The following SGCZ variants were observed in gnomAD, a reference collection of about 807,000 sequenced individuals.
The protein encoded by SGCZ is zeta-sarcoglycan.
In SGCZ, 40 loss-of-function variants were observed where a neutral mutation model predicts 41.3. The ratio of observed to expected loss-of-function variants is 0.97; its 90% CI spans 0.75 to 1.26. SGCZ has a LOEUF of 1.26. Ranked by LOEUF, SGCZ falls within the 50% of genes most tolerant of loss-of-function variation. The probability of loss-of-function intolerance (pLI) is 0.00; values close to 1 mark genes in which losing one functional copy is unlikely to be tolerated. For synonymous variants in SGCZ, 206 were observed against 137.5 expected, an observed-to-expected ratio of 1.50 and a Z score of -3.49; for missense variants, 552 against 369.8, an observed-to-expected ratio of 1.49 and a Z score of -4.04.
At chr8:14,255,806 T>C (rs1046759098) in intron 3 of SGCZ, among the ~76,000 whole-genome samples, 1 of 152,074 alleles carries the variant, frequency 6.6e-6, no homozygotes, top group Non-Finnish European at 1.5e-5. Context: ...AGATTTGGCA[T>C]AAAAATGTTA....
chr8:14,558,482 G>C (rs1804100400), intron 1 of SGCZ, among the ~76,000 whole-genome samples: 1 of 151,722 alleles, frequency 6.6e-6, no homozygotes, highest in African/African-American at 2.4e-5. Flanking sequence ...GGCTAAGGCA[G>C]AAGAATTGCT....
chr8:14,185,339 G>A (rs1367354454), intron 4 of SGCZ, among the ~76,000 whole-genome samples: 1 of 152,022 alleles, frequency 6.6e-6, no homozygotes, highest in Non-Finnish European at 1.5e-5. Flanking sequence ...GGAGGCGTAG[G>A]TTGCAGTGAG....
intron 5 of SGCZ, among the ~76,000 whole-genome samples, chr8:14,124,262 C>T (rs2117042239): frequency 6.6e-6 from 1 of 151,972 alleles, no homozygotes; most frequent in East Asian, 1.9e-4. Context: ...ATATTTTTTC[C>T]TTTGTCCTTC....
At chr8:14,734,236 G>A (rs1240464037) in intron 1 of SGCZ, among the ~76,000 whole-genome samples, 1 of 152,104 alleles carries the variant, frequency 6.6e-6, no homozygotes, top group Non-Finnish European at 1.5e-5. Context: ...GTGTTATCAA[G>A]ATTAAATTCT....
chr8:14,763,601 T>A (rs1799953067), intron 1 of SGCZ, among the ~76,000 whole-genome samples: 1 of 152,068 alleles, frequency 6.6e-6, no homozygotes, highest in African/African-American at 2.4e-5. Context: ...CAGTTAAACT[T>A]GGAAAAGTTT....
At chr8:15,054,075 A>G (rs1165077475) in intron 1 of SGCZ, among the ~76,000 whole-genome samples, 1 of 152,206 alleles carries the variant, frequency 6.6e-6, no homozygotes, top group Non-Finnish European at 1.5e-5. Flanking sequence ...AGAGTCTAGT[A>G]CCTTGACAAT....
intron 1 of SGCZ, among the ~76,000 whole-genome samples, chr8:15,213,132 T>C (rs1221958363): frequency 3.3e-5 from 5 of 152,012 alleles, no homozygotes; most frequent in Admixed American, 6.6e-5. Flanking sequence ...CATAATTGTA[T>C]ACTAAATGCA....
chr8:15,022,550 G>T (rs534379940), intron 1 of SGCZ, among the ~76,000 whole-genome samples: 66 of 152,158 alleles, frequency 4.3e-4, no homozygotes, highest in Non-Finnish European at 8.1e-4. Context: ...CACCATGTTT[G>T]CCAGGATGGT....
chr8:14,330,178 C>T (rs1213679215), intron 2 of SGCZ, among the ~76,000 whole-genome samples: 1 of 152,090 alleles, frequency 6.6e-6, no homozygotes, highest in Non-Finnish European at 1.5e-5. Flanking sequence ...ACTGTGTATA[C>T]ATTTTTACCT....
chr8:14,883,127 C>G (rs751068077), intron 1 of SGCZ, among the ~76,000 whole-genome samples: 2 of 151,562 alleles, frequency 1.3e-5, no homozygotes, highest in Admixed American at 6.6e-5. Flanking sequence ...GAGGTAAACT[C>G]TTTCTCATTT....
chr8:14,793,003 C>T (rs1013760388), intron 1 of SGCZ, among the ~76,000 whole-genome samples: 3 of 152,124 alleles, frequency 2.0e-5, no homozygotes, highest in Admixed American at 6.5e-5. Context: ...TTTGACAATG[C>T]TATTTGAATA....
In SGCZ at chr8:14,633,989, C is replaced by T. The variant is rs1007609358; in HGVS notation, c.40-79063G>A. On this transcript the variant is annotated intron_variant, in intron 1 of 7. Coordinates refer to ENST00000382080, the MANE Select transcript of SGCZ (RefSeq NM_139167.4). ...TTCTGCACTTGGTTGAGATCCAAGA[C>T]TACCAGTATAAATGATTCTAATACA... Among the ~76,000 whole-genome samples, 8 of 151,850 alleles carry T rather than the reference C, an allele frequency of 5.3e-5. No individual in the cohort carries two copies. In the East Asian group the frequency reaches 1.5e-3, roughly 29 times the overall value.
intron 1 of SGCZ, among the ~76,000 whole-genome samples, chr8:14,700,648 T>A (rs922826364): frequency 6.6e-6 from 1 of 152,024 alleles, no homozygotes; most frequent in Non-Finnish European, 1.5e-5. Context: ...AATTTAATAC[T>A]ATATTCATAT....
At chr8:14,202,078 C>T (rs1379947056) in intron 4 of SGCZ, among the ~76,000 whole-genome samples, 2 of 152,124 alleles carry the variant, frequency 1.3e-5, no homozygotes, top group African/African-American at 4.8e-5. Flanking sequence ...ATTAAGGTTG[C>T]TCACCGCCTG....
At chr8:14,970,584 T>C (rs916095429) in intron 1 of SGCZ, among the ~76,000 whole-genome samples, 2 of 152,294 alleles carry the variant, frequency 1.3e-5, no homozygotes, top group South Asian at 2.1e-4. Context: ...GAATTACCTT[T>C]GTATTTCTGC....
chr8:14,497,774 T>G (rs903552630), intron 2 of SGCZ, among the ~76,000 whole-genome samples: 2 of 152,000 alleles, frequency 1.3e-5, no homozygotes, highest in South Asian at 2.1e-4. Flanking sequence ...CCACCAACAT[T>G]GGGGAACGCA....
At chr8:14,353,553 A>G (rs1803177464) in intron 2 of SGCZ, among the ~76,000 whole-genome samples, 1 of 152,120 alleles carries the variant, frequency 6.6e-6, no homozygotes. Context: ...GCGAATGGAT[A>G]GGTACTAATG....
intron 1 of SGCZ, among the ~76,000 whole-genome samples, chr8:14,931,640 C>T (rs997966334): frequency 6.6e-6 from 1 of 151,888 alleles, no homozygotes; most frequent in Non-Finnish European, 1.5e-5. Flanking sequence ...AGATATTATA[C>T]TGAAAAGATT....
intron 1 of SGCZ, among the ~76,000 whole-genome samples, chr8:14,712,557 G>A (rs564193842): frequency 2.0e-5 from 3 of 152,022 alleles, no homozygotes; most frequent in Non-Finnish European, 2.9e-5. Context: ...AATTCTTTTG[G>A]GGGGAGACAA....
Sources: allele counts gnomAD v4.1 joint callset (sites outside exome capture counted in the v4.1 genomes callset), GRCh38; gene constraint gnomAD v4.1.1; transcripts MANE v1.5; gene names NCBI Gene and HGNC (gene_info 2026-07-23, HGNC 2026-07-21).